The following OR5K1 variants were observed in gnomAD, a reference collection of about 807,000 sequenced individuals.
OR5K1 encodes olfactory receptor 5K1.
In OR5K1, 7 loss-of-function variants were observed where a neutral mutation model predicts 10.4. The observed-to-expected ratio is 0.67, with a 90% confidence interval of 0.38 to 1.26. The LOEUF (loss-of-function observed/expected upper bound fraction) is 1.26, where lower values mean the gene tolerates loss of function less well. Ranked by LOEUF, OR5K1 falls within the 50% of genes most tolerant of loss-of-function variation. The probability of loss-of-function intolerance (pLI) is 0.02; values close to 1 mark genes in which losing one functional copy is unlikely to be tolerated. For missense variants in OR5K1, 435 were observed against 366.2 expected (o/e 1.19, Z -1.53); for synonymous variants, 135 against 128.5 (o/e 1.05, Z -0.34).
intron 1 of OR5K1, among the ~76,000 whole-genome samples, chr3:98,464,626 A>T (rs895935910): frequency 2.6e-5 from 4 of 152,230 alleles, no homozygotes; most frequent in African/African-American, 9.6e-5. Flanking sequence ...TAATGAGTAG[A>T]TAATGAAAGT....
At chr3:98,464,146 C>G (rs930146467) in intron 1 of OR5K1, among the ~76,000 whole-genome samples, 4 of 152,000 alleles carry the variant, frequency 2.6e-5, no homozygotes, top group Admixed American at 1.3e-4. Flanking sequence ...TAATTTCATA[C>G]TTGGTAGGCA....
At position 98,470,092 on chromosome 3, in the gene OR5K1, T is replaced by C. The variant is rs1191373581; in HGVS notation, c.516T>C (p.Asn172=). Residue 172 remains asparagine, a synonymous_variant, in exon 2 of 2, where the codon AAT becomes AAC. Coordinates refer to ENST00000642057, the MANE Select transcript of OR5K1 (RefSeq NM_001004736.4). ...LVFRLVFCGS[N]HINHFYCDIL... The stretch of plus-strand genomic sequence containing the variant: ...TTAGGTTAGTTTTCTGTGGATCGAA[T>C]CACATCAACCACTTTTACTGTGATA... The C allele has an allele frequency of 3.1e-6, 5 of 1,613,580 alleles. No homozygotes were observed. The African/African-American group carries it at 6.7e-5, about 22-fold the overall frequency.
At chr3:98,464,355 T>A (rs1705345525) in intron 1 of OR5K1, among the ~76,000 whole-genome samples, 2 of 152,190 alleles carry the variant, frequency 1.3e-5, no homozygotes. Flanking sequence ...AGGAGAGATC[T>A]TCTTATATCT....
At chr3:98,466,022 A>G (rs1372493037) in intron 1 of OR5K1, among the ~76,000 whole-genome samples, 2 of 151,844 alleles carry the variant, frequency 1.3e-5, no homozygotes, top group African/African-American at 4.8e-5. Context: ...AGCATTAGGT[A>G]TATCTCCCAA....
chr3:98,469,495 A>T, intron 1 of OR5K1, 71 bp from the exon 2 acceptor site: 1 of 1,416,614 alleles, frequency 7.1e-7, no homozygotes, highest in Non-Finnish European at 9.6e-7. Context: ...TCCTTCCTTT[A>T]AGCCAAAGAG....
Position 98,470,597 on chromosome 3 carries a change from T to C in OR5K1, c.*94T>C. On this transcript the variant is annotated 3_prime_UTR_variant, in exon 2 of 2. Coordinates refer to ENST00000642057, the MANE Select transcript of OR5K1 (RefSeq NM_001004736.4). ...TGTGAAATTACACAGGGGAAATGCA[T>C]AAATTATAAGTAAAATTTTAATATA... 6 of 675,496 alleles carry C rather than the reference T, an allele frequency of 8.9e-6. No individual in the cohort carries two copies. The South Asian group carries it at 1.2e-4, about 14-fold the overall frequency. 41.8% of individuals were successfully genotyped at this position (675,496 alleles called of 1,614,324 possible). A position where few individuals can be genotyped will look rare whatever the true frequency, so the allele number is the denominator to read the frequency against.
rs1705455959 is a variant in OR5K1, at chr3:98,472,202, C to T, written c.*1699C>T. 1 of 151,078 alleles carries T rather than the reference C, an allele frequency of 6.6e-6. No homozygotes were observed. Among genetic ancestry groups the T allele is most frequent in the East Asian group, 2.0e-4 (1 of 5,084 alleles). 9.4% of individuals were successfully genotyped at this position (151,078 alleles called of 1,614,324 possible). A position where few individuals can be genotyped will look rare whatever the true frequency, so the allele number is the denominator to read the frequency against. The stretch of plus-strand genomic sequence containing the variant: ...CTGCATTGATTTTCAGCTAAAATGT[C>T]TATTTATCCAACCCACAAGGCTTTG... On this transcript the variant is annotated 3_prime_UTR_variant, in exon 2 of 2. Coordinates refer to ENST00000642057, the MANE Select transcript of OR5K1 (RefSeq NM_001004736.4).
chr3:98,468,409 A>G (rs1372137774), intron 1 of OR5K1, among the ~76,000 whole-genome samples: 3 of 152,116 alleles, frequency 2.0e-5, no homozygotes, highest in Non-Finnish European at 4.4e-5. Context: ...TGTTGTATTA[A>G]TACAGCCATC....
chr3:98,468,753 A>G (rs564005760), intron 1 of OR5K1, among the ~76,000 whole-genome samples: 2 of 152,112 alleles, frequency 1.3e-5, no homozygotes, highest in African/African-American at 2.4e-5. Flanking sequence ...CCTTTTGACT[A>G]TTATGAATAA....
Position 98,463,269 on chromosome 3 carries a change from C to T in OR5K1, c.-50C>T, listed in dbSNP as rs1266167346. The T allele has an allele frequency of 6.6e-6, 1 of 152,160 alleles. No homozygotes were observed. Among genetic ancestry groups the T allele is most frequent in the African/African-American group, 2.4e-5 (1 of 41,430 alleles). 9.4% of individuals were successfully genotyped at this position (152,160 alleles called of 1,614,324 possible). On this transcript the variant is annotated 5_prime_UTR_variant, in exon 1 of 2. Transcript: ENST00000642057. ...ACTTTAAAAACTGTTATCAGGCAAC[C>T]TACTGGCCCCTTTAAAACTCTTACC...
chr3:98,466,367 A>G (rs1479558097), intron 1 of OR5K1, among the ~76,000 whole-genome samples: 12 of 109,592 alleles, frequency 1.1e-4, no homozygotes, highest in African/African-American at 3.0e-4. Flanking sequence ...ATACGTGTGC[A>G]TGTGTCTTTA....
chr3:98,466,033 T>C (rs188300412), intron 1 of OR5K1, among the ~76,000 whole-genome samples: 20 of 152,114 alleles, frequency 1.3e-4, no homozygotes, highest in Admixed American at 2.0e-4. Flanking sequence ...TATCTCCCAA[T>C]GCTATCCCTC....
intron 1 of OR5K1, among the ~76,000 whole-genome samples, chr3:98,465,988 G>A (rs200379243): frequency 0.021 from 3,200 of 151,376 alleles, 66 homozygotes; most frequent in East Asian, 0.12. Context: ...ATGCTGGTGC[G>A]CTGCACCCAC....
intron 1 of OR5K1, among the ~76,000 whole-genome samples, chr3:98,465,339 G>T (rs1474002185): frequency 6.6e-6 from 1 of 152,122 alleles, no homozygotes; most frequent in South Asian, 2.1e-4. Context: ...GCCATCGTGT[G>T]AATGATTCAC....
chr3:98,468,128 C>T (rs1028087940), intron 1 of OR5K1, among the ~76,000 whole-genome samples: 2 of 151,844 alleles, frequency 1.3e-5, no homozygotes, highest in Non-Finnish European at 1.5e-5. Context: ...CATTTTTTCT[C>T]ATTTCCCCTA....
Position 98,470,154 on chromosome 3 carries a change from A to T in OR5K1, c.578A>T (p.Tyr193Phe), listed in dbSNP as rs762418504. 1.1e-5 allele frequency: 17 copies of T among 1,613,282 alleles called. No individual in the cohort carries two copies. Among genetic ancestry groups the T allele is most frequent in the Admixed American group, 5.0e-5 (3 of 59,868 alleles). The change falls in exon 2 of 2, where the codon TAT (tyrosine) becomes TTT (phenylalanine). Residue 193 changes from tyrosine (Y) to phenylalanine (F), a missense_variant. Physicochemically the swap from Tyr to Phe is conservative, Grantham distance 22. Transcript: ENST00000642057. ...PLYRLSCVDP[Y>F]INELVLFIFS... The stretch of plus-strand genomic sequence containing the variant: ...TATAGACTCTCTTGTGTTGATCCTT[A>T]TATCAATGAACTGGTTCTATTCATC...
chr3:98,464,612 C>A (rs1239182998), intron 1 of OR5K1, among the ~76,000 whole-genome samples: 1 of 152,064 alleles, frequency 6.6e-6, no homozygotes, highest in Non-Finnish European at 1.5e-5. Flanking sequence ...TCTATAAGTA[C>A]ATATAATGAG....
chr3:98,464,459 G>T (rs932994913), intron 1 of OR5K1, among the ~76,000 whole-genome samples: 2 of 152,198 alleles, frequency 1.3e-5, no homozygotes, highest in African/African-American at 4.8e-5. Flanking sequence ...ATCTAGGAGG[G>T]TCAGTCAACC....
intron 1 of OR5K1, among the ~76,000 whole-genome samples, chr3:98,463,967 T>TA (rs1705340246): frequency 6.6e-6 from 1 of 152,098 alleles, no homozygotes; most frequent in Admixed American, 6.6e-5. Context: ...ATCTTAAAGG[T>TA]ACATCAGCCA....
Sources: gnomAD v4.1 joint callset for allele counts (sites outside exome capture counted in the v4.1 genomes callset) on GRCh38, gnomAD v4.1.1 for gene constraint, MANE v1.5 for transcripts, NCBI Gene and HGNC (gene_info 2026-07-23, HGNC 2026-07-21) for gene names.